The following AHNAK variants were observed in gnomAD, a reference collection of about 807,000 sequenced individuals.
AHNAK encodes AHNAK nucleoprotein.
In AHNAK, 23 loss-of-function variants were observed where a neutral mutation model predicts 37.8. The observed-to-expected ratio is 0.61, with a 90% CI of 0.44 to 0.86. The LOEUF (loss-of-function observed/expected upper bound fraction) is 0.86, where lower values mean the gene tolerates loss of function less well. Among genes scored for constraint, AHNAK ranks in the 40% least tolerant of loss-of-function variants. The probability of loss-of-function intolerance (pLI) is 0.00; values close to 1 mark genes in which losing one functional copy is unlikely to be tolerated. For synonymous variants in AHNAK, 2,481 were observed against 2,636.3 expected, an observed-to-expected ratio of 0.94 and a Z score of 1.80; for missense variants, 7,411 against 7,319.4, an observed-to-expected ratio of 1.01 and a Z score of -0.46.
In AHNAK at chr11:62,529,613, G is replaced by C; in HGVS notation, c.4804C>G (p.Pro1602Ala). ...CCCTTCAAGTCTCCTTCCACTTTGG[G>C]AAGGGAAACATCTACATCAGTTTTC... ...KLKTDVDVSL[P>A]KVEGDLKGPE... The change falls in exon 5 of 5, where the codon CCC (proline) becomes GCC (alanine). Residue 1602 changes from proline to alanine, a missense_variant. Pro to Ala is a conservative substitution (Grantham distance 27). Coordinates refer to ENST00000378024, the MANE Select transcript of AHNAK (RefSeq NM_001620.3). 6.2e-7 allele frequency: 1 copy of C among 1,614,146 alleles called. No individual in the cohort carries two copies. The highest frequency in any genetic ancestry group is 8.5e-7 in the Non-Finnish European group (1 of 1,180,026).
chr11:62,488,781 T>G (rs981971692), intron 5 of AHNAK, among the ~76,000 whole-genome samples: 7 of 151,908 alleles, frequency 4.6e-5, no homozygotes, highest in African/African-American at 7.3e-5. Flanking sequence ...GTGTGAAGTC[T>G]AGTGGAGGCC....
In AHNAK at chr11:62,527,135, C is replaced by G; in HGVS notation, c.7282G>C (p.Asp2428His). The G allele has an allele frequency of 1.2e-6, 2 of 1,613,790 alleles. No individual in the cohort carries two copies. The highest frequency in any genetic ancestry group is 1.7e-6 in the Non-Finnish European group (2 of 1,179,862). The change falls in exon 5 of 5, where the codon GAC becomes CAC. Residue 2428 changes from aspartate (D) to histidine (H), a missense_variant. Coordinates refer to ENST00000378024, the MANE Select transcript of AHNAK (RefSeq NM_001620.3). ...AATTTGCCCTCTGGTCCCTCAATGT[C>G]AATGTCTGGCCCACTGACATCCACA... ...PHVDVSGPDI[D>H]IEGPEGKLKG... is the part of the protein sequence containing the mutation.
chr11:62,514,715 A>C (rs1277978099), downstream of AHNAK, among the ~76,000 whole-genome samples: 2 of 152,010 alleles, frequency 1.3e-5, no homozygotes, highest in Admixed American at 6.6e-5. Context: ...ATCCTGTCCA[A>C]CTCACGAAAG....
intron 5 of AHNAK, among the ~76,000 whole-genome samples, chr11:62,486,530 G>A (rs1939398584): frequency 3.0e-5 from 1 of 33,272 alleles, no homozygotes; most frequent in Admixed American, 3.7e-4. Flanking sequence ...AAGGAAAGAA[G>A]GAAGGAAGGA....
Position 62,524,046 on chromosome 11 carries a change from A to G in AHNAK, c.10371T>C (p.Asn3457=), listed in dbSNP as rs766246119. The change falls in exon 5 of 5, where the codon AAT becomes AAC. Residue 3457 remains asparagine, a synonymous_variant. Transcript: ENST00000378024. Reference sequence around the variant, plus strand: ...GAACATCCACATCAGGTGCATTAAGATTGACTTCTGGTGCCTTAATATCCA... The same window carrying G: ...GAACATCCACATCAGGTGCATTAAGGTTGACTTCTGGTGCCTTAATATCCA... ...PKVDIKAPEV[N]LNAPDVDVHG... is the part of the protein sequence containing the mutation. 4.3e-6 allele frequency: 7 copies of G among 1,614,030 alleles called. No homozygotes were observed. Among genetic ancestry groups the G allele is most frequent in the Middle Eastern group, 1.7e-4 (1 of 6,060 alleles).
chr11:62,529,401 A>G lies in AHNAK; in HGVS notation c.5016T>C (p.Asp1672=). Residue 1672 remains aspartate (D), a synonymous_variant, in exon 5 of 5, where the codon GAT becomes GAC. Transcript: ENST00000378024. The part of the protein sequence containing the change: ...LKGPKVKGDM[D]VSVPKVEGEM... ...CACCTTCTACCTTGGGCACAGACACATCCATATCCCCTTTGACTTTGGGGC... is the reference window on the plus strand; with the variant it reads ...CACCTTCTACCTTGGGCACAGACACGTCCATATCCCCTTTGACTTTGGGGC... 6.2e-7 allele frequency: 1 copy of G among 1,613,888 alleles called. No homozygotes were observed. Among genetic ancestry groups the G allele is most frequent in the Non-Finnish European group, 8.5e-7 (1 of 1,179,964 alleles).
At position 62,520,933 on chromosome 11, in the gene AHNAK, A is replaced by G. The variant is rs561494315; in HGVS notation, c.13484T>C (p.Ile4495Thr). 6.8e-6 allele frequency: 11 copies of G among 1,614,162 alleles called. No homozygotes were observed. Among genetic ancestry groups the G allele is most frequent in the East Asian group, 6.7e-5 (3 of 44,870 alleles). ...ESDLKGPEVD[I>T]EGPEGKLKGP... ...TTTGAGCTTCCCTTCAGGACCTTCAATGTCTACCTCTGGCCCTTTCAGATC... is the reference window on the plus strand; with the variant it reads ...TTTGAGCTTCCCTTCAGGACCTTCAGTGTCTACCTCTGGCCCTTTCAGATC... The change falls in exon 5 of 5, where the codon ATT (isoleucine) becomes ACT (threonine). Residue 4495 changes from isoleucine (I) to threonine (T), a missense_variant. Ile to Thr is a moderately conservative substitution (Grantham distance 89). Coordinates refer to ENST00000378024, the MANE Select transcript of AHNAK (RefSeq NM_001620.3).
Position 62,543,628 on chromosome 11 carries a change from G to T in AHNAK, c.-100+3032C>A, listed in dbSNP as rs1002260799. Reference sequence around the variant, plus strand: ...CGGAATCCTCTTGTGGCCCACCCACGTGCCCCCCACACTCCCTCGGGCACA... The same window carrying T: ...CGGAATCCTCTTGTGGCCCACCCACTTGCCCCCCACACTCCCTCGGGCACA... On this transcript the variant is annotated intron_variant, in intron 1 of 4. Transcript: ENST00000378024. Among the ~76,000 whole-genome samples the T allele has an allele frequency of 1.3e-5, 2 of 152,172 alleles. 1 individual carries two copies. The highest frequency in any genetic ancestry group is 4.8e-5 in the African/African-American group (2 of 41,434).
At chr11:62,496,139 G>C (rs1174832583) in intron 4 of AHNAK, among the ~76,000 whole-genome samples, 1 of 151,886 alleles carries the variant, frequency 6.6e-6, no homozygotes, top group Non-Finnish European at 1.5e-5. Context: ...CTAAATAAAG[G>C]AGTAGGAAAC....
In AHNAK at chr11:62,521,325, T is replaced by C. The variant is rs750313929; in HGVS notation, c.13092A>G (p.Pro4364=). The change falls in exon 5 of 5, where the codon CCA becomes CCG. Residue 4364 remains proline, a synonymous_variant. Transcript: ENST00000378024. ...IDAPDVSIEG[P]DAKLKGPKFK... ...ACTTTGGACCCTTGAGTTTTGCATC[T>C]GGACCTTCGATACTGACATCAGGGG... 3 of 1,613,728 alleles carry C rather than the reference T, an allele frequency of 1.9e-6. No homozygotes were observed. The South Asian group carries it at 3.3e-5, about 18-fold the overall frequency.
Position 62,530,562 on chromosome 11 carries a change from G to A in AHNAK, c.3855C>T (p.Val1285=). Residue 1285 remains valine, a synonymous_variant, in exon 5 of 5, where the codon GTC becomes GTT. Coordinates refer to ENST00000378024, the MANE Select transcript of AHNAK (RefSeq NM_001620.3). ...DVNLPKADID[V]SGPKVDVEVP... ...CTTCAACATCCACCTTGGGTCCTGA[G>A]ACATCAATGTCAGCCTTGGGCAGGT... 6.2e-7 allele frequency: 1 copy of A among 1,611,068 alleles called. No homozygotes were observed. Among genetic ancestry groups the A allele is most frequent in the Non-Finnish European group, 8.5e-7 (1 of 1,179,350 alleles).
intron 5 of AHNAK, among the ~76,000 whole-genome samples, chr11:62,442,385 G>C (rs1938324905): frequency 6.6e-6 from 1 of 151,850 alleles, no homozygotes; most frequent in South Asian, 2.1e-4. Flanking sequence ...CTATCTCTAT[G>C]AAAAATACAA....
Position 62,531,703 on chromosome 11 carries a change from T to C in AHNAK, c.2714A>G (p.Asp905Gly), listed in dbSNP as rs753958493. The change falls in exon 5 of 5, where the codon GAT becomes GGT. Residue 905 changes from aspartate (D) to glycine (G), a missense_variant. Coordinates refer to ENST00000378024, the MANE Select transcript of AHNAK (RefSeq NM_001620.3). ...PEVDVNLPKADVDISGPKVGV... is the reference protein window; with the variant it reads ...PEVDVNLPKAGVDISGPKVGV... ...CACCTTGGGTCCTGAGATGTCCACATCAGCCTTGGGCAGGTTCACATCCAC... is the reference window on the plus strand; with the variant it reads ...CACCTTGGGTCCTGAGATGTCCACACCAGCCTTGGGCAGGTTCACATCCAC... 7.4e-6 allele frequency: 12 copies of C among 1,614,082 alleles called. No individual in the cohort carries two copies. The highest frequency in any genetic ancestry group is 3.3e-5 in the South Asian group (3 of 91,086).
downstream of AHNAK, among the ~76,000 whole-genome samples, chr11:62,514,469 A>G (rs1939970229): frequency 6.6e-6 from 1 of 152,198 alleles, no homozygotes; most frequent in South Asian, 2.1e-4. Flanking sequence ...GTGTGCGTGT[A>G]GCCCAGTGCA....
chr11:62,479,165 T>C lies in AHNAK; in HGVS notation c.442+12567A>G, dbSNP rs2134866371. On this transcript the variant is annotated intron_variant, in intron 5 of 5. Coordinates refer to the AHNAK transcript ENST00000257247. ...GCTTTCTTTTCTTTTTTTTTCTTTTTTCTTTTTTTTTTTTTTTTTGATACG... is the reference window on the plus strand; with the variant it reads ...GCTTTCTTTTCTTTTTTTTTCTTTTCTCTTTTTTTTTTTTTTTTTGATACG... Among the ~76,000 whole-genome samples, 3 of 81,112 alleles carry C rather than the reference T, an allele frequency of 3.7e-5. 1 individual carries two copies. The Middle Eastern group carries it at 0.017, about 451-fold the overall frequency. 53.2% of individuals were successfully genotyped at this position (81,112 alleles called of 152,430 possible). A position where few individuals can be genotyped will look rare whatever the true frequency, so the allele number is the denominator to read the frequency against.
In AHNAK at chr11:62,516,611, C is replaced by T; in HGVS notation, c.*133G>A. 3 of 1,484,538 alleles carry T rather than the reference C, an allele frequency of 2.0e-6. No individual in the cohort carries two copies. The highest frequency in any genetic ancestry group is 2.7e-6 in the Non-Finnish European group (3 of 1,128,040). 92.0% of individuals were successfully genotyped at this position (1,484,538 alleles called of 1,614,324 possible). ...GCGGTCGGTTTTTCAGCGCTTGCCA[C>T]CGGGCCAGGCAAGGTCTTTGCATGA... On this transcript the variant is annotated 3_prime_UTR_variant, in exon 5 of 5. Transcript: ENST00000378024.
intron 5 of AHNAK, among the ~76,000 whole-genome samples, chr11:62,439,729 G>A (rs1274711318): frequency 2.8e-5 from 4 of 143,416 alleles, no homozygotes; most frequent in Middle Eastern, 3.4e-3. Flanking sequence ...GTGTAGTGGC[G>A]CGATCTCAGC....
intron 3 of AHNAK, 116 bp downstream of exon 3, chr11:62,535,829 G>C: frequency 7.3e-7 from 1 of 1,362,040 alleles, no homozygotes; most frequent in Non-Finnish European, 9.8e-7. Context: ...TGATGCCACT[G>C]GGAATGGGCC....
At chr11:62,443,275 C>T (rs1163274979) in intron 5 of AHNAK, among the ~76,000 whole-genome samples, 2 of 99,762 alleles carry the variant, frequency 2.0e-5, no homozygotes, top group South Asian at 3.9e-4. Flanking sequence ...TGCACCCGGC[C>T]TTTTTTTTTT....
Sources: allele counts gnomAD v4.1 joint callset (sites outside exome capture counted in the v4.1 genomes callset), GRCh38; gene constraint gnomAD v4.1.1; transcripts MANE v1.5; gene names NCBI Gene and HGNC (gene_info 2026-07-23, HGNC 2026-07-21).